KLF7: variants seen among roughly 807,000 people sequenced by gnomAD.
KLF7 encodes KLF transcription factor 7, also known as Krueppel-like factor 7.
A neutral mutation model predicts 27.3 loss-of-function variants in KLF7; 2 were observed. The observed-to-expected ratio is 0.07, with a 90% CI of 0.03 to 0.23. KLF7 has a LOEUF of 0.23. KLF7 is among the 10% of genes least tolerant of loss of function. The pLI is 1.00. For synonymous variants in KLF7, 165 were observed against 162.4 expected (o/e 1.02, Z -0.12); for missense variants, 221 against 394.1 (o/e 0.56, Z 3.72).
At chr2:207,134,907 C>T (rs896056705) in intron 1 of KLF7, among the ~76,000 whole-genome samples, 1 of 152,134 alleles carries the variant, frequency 6.6e-6, no homozygotes, top group African/African-American at 2.4e-5. Context: ...ATTGACATGC[C>T]AAGTACTTGG....
In KLF7 at chr2:207,080,771, C is replaced by T; in HGVS notation, c.*442G>A. ...GCTACACATATGCAACTTTAAGATGCTGGATTCTCCTATCAAGTTGCACTG... is the reference window on the plus strand; with the variant it reads ...GCTACACATATGCAACTTTAAGATGTTGGATTCTCCTATCAAGTTGCACTG... On this transcript the variant is annotated 3_prime_UTR_variant, in exon 4 of 4. Coordinates refer to ENST00000309446, the MANE Select transcript of KLF7 (RefSeq NM_003709.4). 2.5e-6 allele frequency: 1 copy of T among 400,736 alleles called. No individual in the cohort carries two copies. The highest frequency in any genetic ancestry group is 3.6e-5 in the East Asian group (1 of 28,154). 24.8% of individuals were successfully genotyped at this position (400,736 alleles called of 1,614,324 possible).
At chr2:207,082,613 A>G (rs925300737) in intron 3 of KLF7, among the ~76,000 whole-genome samples, 5 of 152,200 alleles carry the variant, frequency 3.3e-5, no homozygotes, top group Non-Finnish European at 5.9e-5. Context: ...AAGTCAGCCT[A>G]CATGACAGCA....
At chr2:207,158,188 A>AT (rs2078444084) in intron 1 of KLF7, among the ~76,000 whole-genome samples, 1 of 152,186 alleles carries the variant, frequency 6.6e-6, no homozygotes. Flanking sequence ...TTTCACCATC[A>AT]TAACTACCAA....
intron 3 of KLF7, among the ~76,000 whole-genome samples, chr2:207,083,526 G>A (rs931071581): frequency 1.1e-4 from 16 of 152,148 alleles, no homozygotes; most frequent in African/African-American, 3.6e-4. Context: ...GCAGTCTGAC[G>A]CCAGAGCCCA....
At chr2:207,087,899 A>AT (rs1039517432) in intron 3 of KLF7, among the ~76,000 whole-genome samples, 1 of 152,092 alleles carries the variant, frequency 6.6e-6, no homozygotes, top group Non-Finnish European at 1.5e-5. Context: ...AAACCTTGTC[A>AT]TTTTTTGCAC....
chr2:207,125,654 C>G (rs1019580945), intron 1 of KLF7, among the ~76,000 whole-genome samples: 4 of 152,178 alleles, frequency 2.6e-5, no homozygotes, highest in African/African-American at 9.7e-5. Flanking sequence ...TGGTAAAACT[C>G]TGCATTACTG....
intron 1 of KLF7, among the ~76,000 whole-genome samples, chr2:207,144,350 C>T (rs575653598): frequency 6.6e-6 from 1 of 152,168 alleles, no homozygotes; most frequent in East Asian, 1.9e-4. Flanking sequence ...AATTTTAAAG[C>T]ATCCACTGTC....
At chr2:207,166,660 G>T, upstream of KLF7, 1 of 338,870 alleles carries the variant, frequency 3.0e-6, no homozygotes, top group Non-Finnish European at 4.2e-6. Flanking sequence ...AGCCGCCGAG[G>T]GCGCGGAGCG....
chr2:207,100,236 C>T (rs773460829), intron 2 of KLF7, among the ~76,000 whole-genome samples: 2 of 152,158 alleles, frequency 1.3e-5, no homozygotes, highest in Non-Finnish European at 2.9e-5. Flanking sequence ...GATATTAATC[C>T]GTTTTTTAGA....
chr2:207,166,901 G>A (rs962498925), upstream of KLF7: 4 of 1,055,946 alleles, frequency 3.8e-6, no homozygotes, highest in African/African-American at 5.0e-5. Context: ...GCCTGCGCCC[G>A]CCCCCCGCTT....
intron 1 of KLF7, among the ~76,000 whole-genome samples, chr2:207,156,361 A>G (rs1365008259): frequency 6.6e-6 from 1 of 152,180 alleles, no homozygotes; most frequent in Non-Finnish European, 1.5e-5. Context: ...TCCTCTTACT[A>G]GAAAGATGGA....
upstream of KLF7, chr2:207,166,683 A>G: frequency 6.0e-6 from 3 of 496,896 alleles, no homozygotes; most frequent in Non-Finnish European, 7.8e-6. Flanking sequence ...AAGGAAGGAC[A>G]GTGGCCACCC....
At chr2:207,081,980 C>A (rs1392402696) in intron 3 of KLF7, among the ~76,000 whole-genome samples, 4 of 151,632 alleles carry the variant, frequency 2.6e-5, no homozygotes, top group African/African-American at 9.7e-5. Flanking sequence ...GGTAAGTATT[C>A]TCACGCTTTG....
rs116788741 is a variant in KLF7, at chr2:207,127,870, T to C, written c.103-3466A>G. Among the ~76,000 whole-genome samples the C allele has an allele frequency of 3.9e-3, 587 of 152,164 alleles. 2 individuals carry two copies. Among genetic ancestry groups the C allele is most frequent in the African/African-American group, 0.014 (565 of 41,500 alleles). The stretch of plus-strand genomic sequence containing the variant: ...AAAAAAAAATCCCTATGATGTTTGA[T>C]GGGAACTGAGGTATTAGTATTTCCT... On this transcript the variant is annotated intron_variant, in intron 1 of 3. Transcript: ENST00000309446.
In KLF7 at chr2:207,079,878, C is replaced by T. The variant is rs1007023577; in HGVS notation, c.*1335G>A. On this transcript the variant is annotated 3_prime_UTR_variant, in exon 4 of 4. Coordinates refer to ENST00000309446, the MANE Select transcript of KLF7 (RefSeq NM_003709.4). The stretch of plus-strand genomic sequence containing the variant: ...GCGTTTTAAATTGTGTATTGTAACA[C>T]GTAGGGGAATAGGAGCTCAGTGGGC... 6.6e-6 allele frequency: 1 copy of T among 152,128 alleles called. No homozygotes were observed. Among genetic ancestry groups the T allele is most frequent in the Admixed American group, 6.5e-5 (1 of 15,274 alleles). 9.4% of individuals were successfully genotyped at this position (152,128 alleles called of 1,614,324 possible).
At chr2:207,173,334 C>T in the KLF7 span, among the ~76,000 whole-genome samples, 3 of 152,128 alleles carry the variant, frequency 2.0e-5, no homozygotes, top group African/African-American at 4.8e-5. Flanking sequence ...CTGGTTACAA[C>T]CACAGGAGCC....
chr2:207,126,772 C>A (rs989524215), intron 1 of KLF7, among the ~76,000 whole-genome samples: 1 of 150,112 alleles, frequency 6.7e-6, no homozygotes, highest in African/African-American at 2.5e-5. Flanking sequence ...CACTGCACTC[C>A]AGCCCTCTGG....
At chr2:207,130,525 C>T (rs1369661001) in intron 1 of KLF7, among the ~76,000 whole-genome samples, 1 of 152,208 alleles carries the variant, frequency 6.6e-6, no homozygotes, top group Admixed American at 6.5e-5. Context: ...GCAGATATGT[C>T]TAAGTGTTTG....
chr2:207,115,586 T>C (rs1485966568), intron 2 of KLF7, among the ~76,000 whole-genome samples: 1 of 152,156 alleles, frequency 6.6e-6, no homozygotes, highest in Non-Finnish European at 1.5e-5. Context: ...CGACCAACAT[T>C]TAGCTTAATA....
Sources: gnomAD v4.1 joint callset for allele counts (sites outside exome capture counted in the v4.1 genomes callset) on GRCh38, gnomAD v4.1.1 for gene constraint, MANE v1.5 for transcripts, NCBI Gene and HGNC (gene_info 2026-07-23, HGNC 2026-07-21) for gene names.